F11R: variants seen among roughly 807,000 people sequenced by gnomAD.
The protein encoded by F11R is junctional adhesion molecule A.
A neutral mutation model predicts 39.3 loss-of-function variants in F11R; 27 were observed. The observed-to-expected ratio is 0.69, with a 90% confidence interval of 0.51 to 0.95. F11R has a LOEUF of 0.95. Among genes scored for constraint, F11R ranks in the 40% least tolerant of loss-of-function variants. The pLI is 0.00. For missense variants in F11R, 335 were observed against 372.7 expected, an observed-to-expected ratio of 0.90 and a Z score of 0.83; for synonymous variants, 131 against 144.9, an observed-to-expected ratio of 0.90 and a Z score of 0.69.
chr1:161,011,476 T>C (rs1485414942), intron 1 of F11R, among the ~76,000 whole-genome samples: 2 of 152,154 alleles, frequency 1.3e-5, no homozygotes, highest in African/African-American at 4.8e-5. Context: ...GCGCGGTGGC[T>C]CACACCTGTA....
chr1:161,019,337 T>G (rs1649621803), intron 1 of F11R, among the ~76,000 whole-genome samples: 1 of 152,104 alleles, frequency 6.6e-6, no homozygotes, highest in Non-Finnish European at 1.5e-5. Flanking sequence ...GGCTCACACC[T>G]GTAATCCCAG....
intron 8 of F11R, 59 bp downstream of exon 8, chr1:160,999,337 C>T: frequency 6.2e-7 from 1 of 1,612,354 alleles, no homozygotes; most frequent in Non-Finnish European, 8.5e-7. Context: ...ACTTCAGCTT[C>T]AAACCACATG....
At chr1:161,001,175 C>T in intron 2 of F11R, 48 bp from the exon 3 acceptor site, 3 of 1,602,920 alleles carry the variant, frequency 1.9e-6, no homozygotes, top group Non-Finnish European at 2.6e-6. Flanking sequence ...GCAGCAAATA[C>T]ACGAGATGGG....
intron 4 of F11R, 126 bp downstream of exon 4, chr1:161,000,505 G>A (rs1648416409): frequency 1.4e-6 from 2 of 1,454,374 alleles, no homozygotes; most frequent in Middle Eastern, 2.2e-4. Flanking sequence ...TCCCTCTCTG[G>A]CAGCTCCAGG....
intron 1 of F11R, among the ~76,000 whole-genome samples, chr1:161,020,543 A>T (rs774393102): frequency 8.5e-5 from 13 of 152,234 alleles, no homozygotes; most frequent in Non-Finnish European, 1.9e-4. Context: ...CTTCCACCCC[A>T]GACCACCTCC....
intron 1 of F11R, 72 bp downstream of exon 1, chr1:161,020,938 G>C: frequency 7.3e-7 from 1 of 1,371,282 alleles, no homozygotes; most frequent in Non-Finnish European, 1.0e-6. Flanking sequence ...CCGCGGGCTA[G>C]GGGCGTGGGG....
chr1:161,007,472 GA>G (rs80350610), intron 1 of F11R, among the ~76,000 whole-genome samples: 1,339 of 119,912 alleles, frequency 0.011, 22 homozygotes, highest in African/African-American at 0.035. Context: ...TCTCAGAAAA[GA>G]AAAAAAAAAA....
intron 1 of F11R, among the ~76,000 whole-genome samples, chr1:161,014,449 C>T (rs1649336561): frequency 6.6e-6 from 1 of 152,152 alleles, no homozygotes; most frequent in Non-Finnish European, 1.5e-5. Context: ...TCATACCTGT[C>T]ATTCAGCATT....
intron 1 of F11R, among the ~76,000 whole-genome samples, chr1:161,018,919 G>T (rs1649600160): frequency 6.6e-6 from 1 of 152,056 alleles, no homozygotes; most frequent in African/African-American, 2.4e-5. Context: ...AGCTCAAAAT[G>T]GTGTTATCAT....
chr1:161,009,545 G>A (rs578126567), intron 1 of F11R, among the ~76,000 whole-genome samples: 36 of 151,846 alleles, frequency 2.4e-4, no homozygotes, highest in Admixed American at 3.3e-4. Flanking sequence ...AAATTACTAC[G>A]TACCTGAATA....
rs1293346749 is a variant in F11R at position 161,021,020 on chromosome 1, C to A, written c.54G>T (p.Ala18=). ...ACTCTGGGAACTTACACAACAGGAT[C>A]GCCAATATGAAGAGGCACAACAGTT... ...ERKLLCLFIL[A]ILLCSLALGS... Residue 18 remains alanine (A), a synonymous_variant, in exon 1 of 10, where the codon GCG becomes GCT. Coordinates refer to ENST00000368026, the MANE Select transcript of F11R (RefSeq NM_016946.6). 9.3e-6 allele frequency: 15 copies of A among 1,614,052 alleles called. No individual in the cohort carries two copies. The highest frequency in any genetic ancestry group is 1.3e-5 in the Non-Finnish European group (15 of 1,180,024).
intron 1 of F11R, among the ~76,000 whole-genome samples, chr1:161,019,711 G>T (rs1359185398): frequency 6.6e-6 from 1 of 152,102 alleles, no homozygotes. Flanking sequence ...TTGTGCTATA[G>T]GGTGCCTGAG....
intron 1 of F11R, among the ~76,000 whole-genome samples, chr1:161,017,138 G>A (rs1009925180): frequency 1.3e-5 from 2 of 151,796 alleles, no homozygotes; most frequent in South Asian, 2.1e-4. Context: ...GCGGAAGGCC[G>A]CAGGGACCTC....
intron 1 of F11R, among the ~76,000 whole-genome samples, chr1:161,002,032 G>T (rs1029031086): frequency 3.9e-5 from 6 of 152,016 alleles, no homozygotes; most frequent in Non-Finnish European, 8.8e-5. Flanking sequence ...TTGGGAGGCC[G>T]AGGTGGGGAG....
chr1:161,001,379 C>CTGTCAGGAGTGGACAGAGAAA, intron 1 of F11R, 26 bp from the exon 2 acceptor site: 1 of 1,602,066 alleles, frequency 6.2e-7, no homozygotes, highest in East Asian at 2.2e-5. Flanking sequence ...GAGGTGGGCC[C>CTGTCAGGAGTGGACAGAGAAA]TGTCAGGAGT....
chr1:160,996,810 T>G lies in F11R; in HGVS notation c.*2061A>C, dbSNP rs891500089. ...AAAACAAAAAACAACAAACTCATCT[T>G]TACTGAACCATTTCATAAGCTCTAC... On this transcript the variant is annotated 3_prime_UTR_variant, in exon 10 of 10. Transcript: ENST00000368026. 1 of 152,350 alleles carries G rather than the reference T, an allele frequency of 6.6e-6. No individual in the cohort carries two copies. The highest frequency in any genetic ancestry group is 1.5e-5 in the Non-Finnish European group (1 of 68,064). 9.4% of individuals were successfully genotyped at this position (152,350 alleles called of 1,614,324 possible). A position where few individuals can be genotyped will look rare whatever the true frequency, so the allele number is the denominator to read the frequency against.
At chr1:161,004,693 G>C (rs1189949263) in intron 1 of F11R, among the ~76,000 whole-genome samples, 1 of 151,438 alleles carries the variant, frequency 6.6e-6, no homozygotes, top group Non-Finnish European at 1.5e-5. Flanking sequence ...TGGGTGCCTG[G>C]GTGACAGAGC....
At chr1:161,015,590 CAA>C (rs35166075) in intron 1 of F11R, among the ~76,000 whole-genome samples, 112 of 127,860 alleles carry the variant, frequency 8.8e-4, no homozygotes, top group East Asian at 4.4e-3. Context: ...GACTTTGTCT[CAA>C]AAAAAAAAAA....
chr1:160,999,271 C>T (rs1408197961), intron 8 of F11R, 125 bp downstream of exon 8: 2 of 1,470,996 alleles, frequency 1.4e-6, no homozygotes, highest in Admixed American at 1.7e-5. Context: ...GCTGGATATC[C>T]AAATGCCTTC....
Sources: gnomAD v4.1 joint callset for allele counts (sites outside exome capture counted in the v4.1 genomes callset) on GRCh38, gnomAD v4.1.1 for gene constraint, MANE v1.5 for transcripts, NCBI Gene and HGNC (gene_info 2026-07-23, HGNC 2026-07-21) for gene names.